Variants in NKAIN3 observed in about 807,000 individuals in gnomAD.
The protein encoded by NKAIN3 is sodium/potassium-transporting ATPase subunit beta-1-interacting protein 3.
NKAIN3 carries 25 observed loss-of-function variants against 30.2 expected under a neutral mutation model. The observed-to-expected ratio is 0.83, with a 90% CI of 0.60 to 1.16. NKAIN3 has a LOEUF of 1.16. Among genes scored for constraint, NKAIN3 ranks in the 50% most tolerant of loss-of-function variants. NKAIN3 has a pLI of 0.00. For missense variants in NKAIN3, 225 were observed against 254.1 expected (o/e 0.89, Z 0.78); for synonymous variants, 91 against 89.6 (o/e 1.02, Z -0.09).
intron 4 of NKAIN3, among the ~76,000 whole-genome samples, chr8:62,850,161 A>G (rs1468672396): frequency 6.6e-6 from 1 of 152,060 alleles, no homozygotes; most frequent in Non-Finnish European, 1.5e-5. Context: ...CTGGTGTGAG[A>G]TGCTATCTCA....
chr8:62,256,249 TAA>T lies in NKAIN3; in HGVS notation c.54+7131_54+7132del, dbSNP rs34324863. Among the ~76,000 whole-genome samples the T allele has an allele frequency of 6.7e-5, 10 of 149,632 alleles. No homozygotes were observed. The East Asian group carries it at 1.8e-3, about 26-fold the overall frequency. On this transcript the variant is annotated intron_variant, in intron 1 of 6. Coordinates refer to ENST00000623646, the MANE Select transcript of NKAIN3 (RefSeq NM_001304533.3). ...GCAACAAAGTGAGACCCTGTCTCTA[TAA>T]AAAAAAAATTTAAAAAAAAATAACC...
intron 3 of NKAIN3, among the ~76,000 whole-genome samples, chr8:62,723,541 TTAAC>T (rs1415250371): frequency 6.6e-6 from 1 of 152,094 alleles, no homozygotes; most frequent in African/African-American, 2.4e-5. Flanking sequence ...GGTTTAGTAA[TTAAC>T]TAAGGAAACT....
intron 1 of NKAIN3, among the ~76,000 whole-genome samples, chr8:62,545,564 C>T (rs904463558): frequency 6.6e-6 from 1 of 152,070 alleles, no homozygotes; most frequent in Non-Finnish European, 1.5e-5. Flanking sequence ...GCAAGACTGT[C>T]TAAATAAATA....
chr8:62,810,363 CA>C (rs753860017), intron 4 of NKAIN3, among the ~76,000 whole-genome samples: 3 of 151,760 alleles, frequency 2.0e-5, no homozygotes, highest in Non-Finnish European at 4.4e-5. Context: ...GGTCATTTCT[CA>C]GGTAAAAAAG....
At chr8:62,654,973 G>A (rs1393734740) in intron 3 of NKAIN3, among the ~76,000 whole-genome samples, 3 of 152,180 alleles carry the variant, frequency 2.0e-5, no homozygotes, top group Non-Finnish European at 2.9e-5. Context: ...ATGAAAGTGT[G>A]TGGTCAAAGA....
At chr8:62,272,728 G>A (rs1490192484) in intron 1 of NKAIN3, among the ~76,000 whole-genome samples, 5 of 152,134 alleles carry the variant, frequency 3.3e-5, no homozygotes, top group Non-Finnish European at 7.3e-5. Context: ...GAGGCATTCA[G>A]AACTCCATCC....
intron 5 of NKAIN3, among the ~76,000 whole-genome samples, chr8:62,932,248 C>T (rs766084410): frequency 6.6e-6 from 1 of 152,192 alleles, no homozygotes; most frequent in African/African-American, 2.4e-5. Context: ...TATTGGGAGA[C>T]TTCTGTGAGT....
intron 1 of NKAIN3, among the ~76,000 whole-genome samples, chr8:62,257,152 T>TACAA (rs1812287535): frequency 6.6e-6 from 1 of 152,182 alleles, no homozygotes; most frequent in Non-Finnish European, 1.5e-5. Context: ...TACAGTATTA[T>TACAA]TAACTATAGT....
intron 1 of NKAIN3, among the ~76,000 whole-genome samples, chr8:62,397,757 G>C (rs182013991): frequency 6.6e-6 from 1 of 152,138 alleles, no homozygotes; most frequent in Non-Finnish European, 1.5e-5. Context: ...TACGGCATCT[G>C]CCAGAAACCT....
At chr8:62,663,788 A>G (rs1014127887) in intron 3 of NKAIN3, among the ~76,000 whole-genome samples, 21 of 152,324 alleles carry the variant, frequency 1.4e-4, no homozygotes, top group African/African-American at 5.0e-4. Flanking sequence ...ACAAAAGAAT[A>G]AAGGATCTGT....
chr8:62,322,194 G>C (rs930228305), intron 1 of NKAIN3, among the ~76,000 whole-genome samples: 3 of 152,166 alleles, frequency 2.0e-5, no homozygotes, highest in Non-Finnish European at 4.4e-5. Context: ...GTATTAGGGT[G>C]GGAGTGACCC....
At chr8:62,490,662 G>A (rs551958776) in intron 1 of NKAIN3, among the ~76,000 whole-genome samples, 1 of 152,242 alleles carries the variant, frequency 6.6e-6, no homozygotes, top group South Asian at 2.1e-4. Flanking sequence ...GAATGTTTAT[G>A]TGTGTCTCAT....
intron 1 of NKAIN3, among the ~76,000 whole-genome samples, chr8:62,252,082 A>G (rs975612958): frequency 3.4e-4 from 52 of 152,288 alleles, no homozygotes; most frequent in African/African-American, 1.2e-3. Flanking sequence ...TCAGCATATC[A>G]TAGGATAGGG....
intron 3 of NKAIN3, among the ~76,000 whole-genome samples, chr8:62,631,898 G>A (rs59319998): frequency 0.048 from 7,306 of 152,250 alleles, 317 homozygotes; most frequent in African/African-American, 0.12. Context: ...ACTTAAGGGT[G>A]AGTACAGTGT....
chr8:62,257,304 A>G (rs1054826252), intron 1 of NKAIN3, among the ~76,000 whole-genome samples: 6 of 152,214 alleles, frequency 3.9e-5, no homozygotes, highest in African/African-American at 1.2e-4. Flanking sequence ...ACATATAACT[A>G]TGAAATTTAT....
chr8:62,918,347 T>C, intron 4 of NKAIN3, 106 bp from the exon 5 acceptor site: 2 of 802,872 alleles, frequency 2.5e-6, no homozygotes, highest in South Asian at 3.2e-5. Flanking sequence ...CACTGCAAAC[T>C]CTTAAAAGTT....
At chr8:62,315,107 G>C (rs1262339296) in intron 1 of NKAIN3, among the ~76,000 whole-genome samples, 3 of 152,024 alleles carry the variant, frequency 2.0e-5, no homozygotes, top group African/African-American at 7.2e-5. Context: ...CACATCTCTT[G>C]TTTTTCTAAC....
At chr8:62,739,724 T>G (rs1254873297) in intron 3 of NKAIN3, among the ~76,000 whole-genome samples, 1 of 152,158 alleles carries the variant, frequency 6.6e-6, no homozygotes, top group South Asian at 2.1e-4. Flanking sequence ...AAAGGCTCGA[T>G]AACCTTTAGC....
chr8:62,643,768 T>C (rs1188174394), intron 3 of NKAIN3, among the ~76,000 whole-genome samples: 1 of 152,186 alleles, frequency 6.6e-6, no homozygotes, highest in Non-Finnish European at 1.5e-5. Flanking sequence ...CATGCCTTTC[T>C]ATCTCTTAAG....
Sources: allele counts gnomAD v4.1 joint callset (sites outside exome capture counted in the v4.1 genomes callset), GRCh38; gene constraint gnomAD v4.1.1; transcripts MANE v1.5; gene names NCBI Gene and HGNC (gene_info 2026-07-23, HGNC 2026-07-21).